ANKRD31: variants seen among roughly 807,000 people sequenced by gnomAD.
ANKRD31 encodes the protein ankyrin repeat domain 31, also known as ankyrin repeat domain-containing protein 31.
Under a neutral mutation model 186.0 loss-of-function variants are expected in ANKRD31, and 147 were observed. The ratio of observed to expected loss-of-function variants is 0.79; its 90% CI spans 0.69 to 0.91. The LOEUF (loss-of-function observed/expected upper bound fraction) is 0.91, where lower values mean the gene tolerates loss of function less well. ANKRD31 is among the 40% of genes least tolerant of loss of function. The probability of loss-of-function intolerance (pLI) is 0.00; values close to 1 mark genes in which losing one functional copy is unlikely to be tolerated. For missense variants in ANKRD31, 1,986 were observed against 2,148.8 expected (o/e 0.92, Z 1.50); for synonymous variants, 673 against 736.4 (o/e 0.91, Z 1.39).
At chr5:75,155,951 G>A (rs192700600) in intron 11 of ANKRD31, among the ~76,000 whole-genome samples, 55 of 151,674 alleles carry the variant, frequency 3.6e-4, no homozygotes, top group Admixed American at 2.8e-3. Flanking sequence ...TTGTTGCCCA[G>A]GCTGGAGTGC....
chr5:75,148,928 G>GAC (rs1295544692), intron 12 of ANKRD31, among the ~76,000 whole-genome samples: 3 of 151,724 alleles, frequency 2.0e-5, no homozygotes, highest in African/African-American at 7.3e-5. Context: ...ATCCAGATAT[G>GAC]ACCTTTTTAT....
rs746310559 is a variant in ANKRD31, at chr5:75,236,715, C to G, written c.-29G>C. ...TGCCTCACATTCAAAGTCTTTTTTACCCTCCTCTAACTCCCTCTTGCCCGC... is the reference window on the plus strand; with the variant it reads ...TGCCTCACATTCAAAGTCTTTTTTAGCCTCCTCTAACTCCCTCTTGCCCGC... On this transcript the variant is annotated 5_prime_UTR_variant, in exon 1 of 26. Coordinates refer to ENST00000506364, the MANE Select transcript of ANKRD31 (RefSeq NM_001372053.1). The G allele has an allele frequency of 5.9e-6, 9 of 1,517,904 alleles. No individual in the cohort carries two copies. Among genetic ancestry groups the G allele is most frequent in the Non-Finnish European group, 7.1e-6 (8 of 1,131,242 alleles). The allele number at this position is 1,517,904 out of a possible 1,614,324, so 94.0% of individuals were successfully genotyped here.
intron 2 of ANKRD31, among the ~76,000 whole-genome samples, chr5:75,226,840 C>T (rs1433883007): frequency 6.6e-6 from 1 of 152,194 alleles, no homozygotes; most frequent in African/African-American, 2.4e-5. Flanking sequence ...TTAGTACAAT[C>T]ACTGTGGAGA....
chr5:75,080,470 G>T, intron 25 of ANKRD31, 98 bp downstream of exon 25: 2 of 708,460 alleles, frequency 2.8e-6, no homozygotes, highest in Non-Finnish European at 4.4e-6. Context: ...GGAGTGATAT[G>T]CATAATATTT....
intron 1 of ANKRD31, among the ~76,000 whole-genome samples, chr5:75,235,230 T>C (rs1758187537): frequency 6.7e-6 from 1 of 150,010 alleles, no homozygotes; most frequent in Non-Finnish European, 1.5e-5. Context: ...CAACAGAAAG[T>C]CTTGCTGGTA....
chr5:75,104,818 T>A lies in ANKRD31; in HGVS notation c.4741A>T (p.Ser1581Cys), dbSNP rs530039780. 6.5e-7 allele frequency: 1 copy of A among 1,537,240 alleles called. No individual in the cohort carries two copies. The highest frequency in any genetic ancestry group is 2.4e-5 in the East Asian group (1 of 40,908). Residue 1581 changes from serine to cysteine, a missense_variant, in exon 22 of 26, where the codon AGT becomes TGT. Ser to Cys is a moderately radical substitution (Grantham distance 112, BLOSUM62 -1). Coordinates refer to ENST00000506364, the MANE Select transcript of ANKRD31 (RefSeq NM_001372053.1). ...GGAAAACCATCCAAGGTACAATCAC[T>A]GCCATTTTGTTTAGAATTCATATCA... ...GNDMNSKQNG[S>C]DCTLDGFPKS...
At chr5:75,223,320 A>T (rs1757419760) in intron 2 of ANKRD31, among the ~76,000 whole-genome samples, 1 of 152,192 alleles carries the variant, frequency 6.6e-6, no homozygotes. Context: ...ATAATACTTG[A>T]TATTTATTTG....
rs1442092042 is a variant in ANKRD31 at position 75,138,988 on chromosome 5, A to T, written c.3596-5T>A. ...TGATCCTACCTGCTTTCATTCCTGT[A>T]AATTTGCCAAACAAGAGGTTTATTT... On this transcript the variant is annotated splice_polypyrimidine_tract_variant and splice_region_variant and intron_variant, in intron 15 of 25. Transcript: ENST00000506364. 6.5e-7 allele frequency: 1 copy of T among 1,535,732 alleles called. No individual in the cohort carries two copies. The highest frequency in any genetic ancestry group is 2.4e-5 in the East Asian group (1 of 40,884).
chr5:75,105,345 G>T, intron 21 of ANKRD31, 127 bp from the exon 22 acceptor site: 1 of 1,033,684 alleles, frequency 9.7e-7, no homozygotes, highest in Non-Finnish European at 1.3e-6. Context: ...AACTATGCCT[G>T]TGCAATTTAC....
chr5:75,212,476 C>A (rs906317288), intron 3 of ANKRD31, among the ~76,000 whole-genome samples: 5 of 152,046 alleles, frequency 3.3e-5, no homozygotes, highest in Admixed American at 6.6e-5. Context: ...ACAACAACAA[C>A]AACAAATTAG....
intron 6 of ANKRD31, among the ~76,000 whole-genome samples, chr5:75,197,890 C>T (rs562140954): frequency 5.9e-5 from 9 of 152,242 alleles, no homozygotes; most frequent in Non-Finnish European, 8.8e-5. Context: ...CCAAATTGGC[C>T]GTACTTTGTT....
chr5:75,171,053 TAA>T (rs201732139), intron 10 of ANKRD31, among the ~76,000 whole-genome samples: 1 of 151,228 alleles, frequency 6.6e-6, no homozygotes, highest in African/African-American at 2.4e-5. Context: ...AACATCTCTC[TAA>T]AAAAAAATGG....
intron 10 of ANKRD31, among the ~76,000 whole-genome samples, chr5:75,172,503 A>G (rs1238866376): frequency 3.3e-5 from 5 of 152,130 alleles, no homozygotes; most frequent in Non-Finnish European, 7.4e-5. Context: ...AGACTGATAA[A>G]GAAGAAAAGA....
chr5:75,087,713 T>C (rs1399752049), intron 23 of ANKRD31, among the ~76,000 whole-genome samples: 1 of 151,938 alleles, frequency 6.6e-6, no homozygotes, highest in Admixed American at 6.6e-5. Context: ...TTTAAATTCA[T>C]TGTAACACAA....
intron 7 of ANKRD31, 72 bp downstream of exon 7, chr5:75,195,559 C>T (rs895992068): frequency 4.7e-6 from 6 of 1,286,648 alleles, no homozygotes; most frequent in African/African-American, 1.5e-5. Context: ...CTGAAAGATG[C>T]TTGTCCTATA....
intron 12 of ANKRD31, 142 bp downstream of exon 12, chr5:75,154,059 T>C: frequency 1.2e-6 from 1 of 808,404 alleles, no homozygotes; most frequent in Non-Finnish European, 1.7e-6. Context: ...TGTGATTTAT[T>C]AACAGAATGA....
chr5:75,154,714 G>A (rs1384718871), intron 11 of ANKRD31, among the ~76,000 whole-genome samples: 1 of 152,120 alleles, frequency 6.6e-6, no homozygotes, highest in Non-Finnish European at 1.5e-5. Context: ...TCAGCTGCTA[G>A]TGAAATGAAG....
At chr5:75,139,289 T>A (rs1580414411) in intron 15 of ANKRD31, among the ~76,000 whole-genome samples, 3 of 122,066 alleles carry the variant, frequency 2.5e-5, no homozygotes, top group Admixed American at 1.7e-4. Flanking sequence ...TAATAATGAA[T>A]AATATTTTTC....
intron 6 of ANKRD31, among the ~76,000 whole-genome samples, chr5:75,199,361 T>C (rs1306681976): frequency 6.6e-6 from 1 of 152,118 alleles, no homozygotes; most frequent in Non-Finnish European, 1.5e-5. Context: ...CAGAAACAGT[T>C]TGATAACAAG....
Sources: allele counts gnomAD v4.1 joint callset (sites outside exome capture counted in the v4.1 genomes callset), GRCh38; gene constraint gnomAD v4.1.1; transcripts MANE v1.5; gene names NCBI Gene and HGNC (gene_info 2026-07-23, HGNC 2026-07-21).